TACC2: variants seen among roughly 807,000 people sequenced by gnomAD.
TACC2 encodes the protein transforming acidic coiled-coil-containing protein 2.
In TACC2, 137 loss-of-function variants were observed where a neutral mutation model predicts 227.3. The observed-to-expected ratio is 0.60, with a 90% CI of 0.52 to 0.69. The LOEUF is 0.69. Among genes scored for constraint, TACC2 ranks in the 30% least tolerant of loss-of-function variants. The pLI, the probability that TACC2 is intolerant of heterozygous loss-of-function variation, is 0.00. For missense variants in TACC2, 3,470 were observed against 3,694.4 expected (o/e 0.94, Z 1.57); for synonymous variants, 1,523 against 1,487.5 (o/e 1.02, Z -0.55).
chr10:122,101,662 C>G (rs1592013226), intron 5 of TACC2, among the ~76,000 whole-genome samples: 2 of 146,954 alleles, frequency 1.4e-5, no homozygotes, highest in Admixed American at 1.4e-4. Context: ...TGGGTTCATG[C>G]CATTCTCCTG....
At chr10:122,124,059 G>A (rs1226570146) in intron 5 of TACC2, among the ~76,000 whole-genome samples, 1 of 151,860 alleles carries the variant, frequency 6.6e-6, no homozygotes, top group South Asian at 2.1e-4. Context: ...TGATCTGCCC[G>A]CCACGGCCTC....
intron 5 of TACC2, among the ~76,000 whole-genome samples, chr10:122,090,546 C>CA (rs1188822419): frequency 0.036 from 1,465 of 40,172 alleles, 13 homozygotes; most frequent in Non-Finnish European, 0.045. Flanking sequence ...GACTCTATCT[C>CA]AAAAAAAAAA....
chr10:122,246,379 T>G (rs2096119744), intron 19 of TACC2: 2 of 152,136 alleles, frequency 1.3e-5, no homozygotes, highest in Non-Finnish European at 2.9e-5. Flanking sequence ...GGTAACAGTG[T>G]GCCTAGTCCT....
intron 5 of TACC2, among the ~76,000 whole-genome samples, chr10:122,116,977 AG>A (rs1019297501): frequency 2.0e-5 from 3 of 151,960 alleles, no homozygotes; most frequent in Non-Finnish European, 2.9e-5. Context: ...GGCAAACAGA[AG>A]TGCTCACAAT....
chr10:122,251,603 G>A (rs1014574817), intron 22 of TACC2, among the ~76,000 whole-genome samples: 1 of 152,188 alleles, frequency 6.6e-6, no homozygotes, highest in African/African-American at 2.4e-5. Flanking sequence ...GGGAGGCTAA[G>A]GTGGGAGGAC....
chr10:122,038,639 C>T (rs572107754), intron 2 of TACC2, among the ~76,000 whole-genome samples: 2 of 152,272 alleles, frequency 1.3e-5, no homozygotes, highest in East Asian at 3.9e-4. Flanking sequence ...GAGGCAATCT[C>T]CTGCTGGGAG....
intron 5 of TACC2, among the ~76,000 whole-genome samples, chr10:122,096,152 T>C (rs1458372263): frequency 2.0e-5 from 3 of 152,178 alleles, no homozygotes; most frequent in Admixed American, 2.0e-4. Context: ...GAATGGAGGC[T>C]GAGGTGTGTT....
chr10:122,214,977 G>A (rs369123456), intron 9 of TACC2, among the ~76,000 whole-genome samples: 6 of 152,060 alleles, frequency 3.9e-5, no homozygotes, highest in East Asian at 1.9e-4. Flanking sequence ...GTGAGGTGTC[G>A]CCTTGCCCGT....
At chr10:121,991,141 AG>A (rs936639899) in intron 1 of TACC2, among the ~76,000 whole-genome samples, 2 of 152,338 alleles carry the variant, frequency 1.3e-5, no homozygotes, top group Middle Eastern at 3.4e-3. Flanking sequence ...AGTCTCTTAA[AG>A]GAAAGGAGTT....
intron 2 of TACC2, among the ~76,000 whole-genome samples, chr10:122,038,490 A>G (rs891998361): frequency 5.9e-5 from 9 of 152,112 alleles, no homozygotes; most frequent in African/African-American, 2.2e-4. Context: ...CACTGGACTC[A>G]CTTCAGTGCC....
intron 11 of TACC2, among the ~76,000 whole-genome samples, chr10:122,217,642 G>A (rs1271949120): frequency 6.6e-6 from 1 of 151,996 alleles, no homozygotes; most frequent in Non-Finnish European, 1.5e-5. Flanking sequence ...GTTTCACCAT[G>A]TTAGCTGGGC....
chr10:122,021,637 C>T (rs1334972355), intron 1 of TACC2, among the ~76,000 whole-genome samples: 1 of 152,118 alleles, frequency 6.6e-6, no homozygotes, highest in Non-Finnish European at 1.5e-5. Context: ...TTTGTCACTC[C>T]GTTTGTATAT....
At chr10:122,143,761 G>C in intron 7 of TACC2, 55 bp downstream of exon 7, 2 of 1,587,550 alleles carry the variant, frequency 1.3e-6, no homozygotes, top group East Asian at 2.2e-5. Context: ...GGGGCCTGGT[G>C]GTCTCTGCCC....
rs556783679 is a variant in TACC2, at chr10:122,082,628, A to G, written c.147-19A>G. ...TCCTTGGCATCCATGATAACCAATG[A>G]AACATTAAATATTTTCAGCATTGGC... is the stretch of plus-strand genomic sequence containing the variant. On this transcript the variant is annotated intron_variant, in intron 3 of 22. Transcript: ENST00000369005. 2 of 1,590,390 alleles carry G rather than the reference A, an allele frequency of 1.3e-6. No individual in the cohort carries two copies. The highest frequency in any genetic ancestry group is 1.7e-5 in the Admixed American group (1 of 57,964).
At position 122,210,246 on chromosome 10, in the gene TACC2, G is replaced by A; in HGVS notation, c.5972-151G>A. 1.5e-6 allele frequency: 1 copy of A among 669,676 alleles called. No individual in the cohort carries two copies. The highest frequency in any genetic ancestry group is 1.8e-5 in the South Asian group (1 of 54,388). 41.5% of individuals were successfully genotyped at this position (669,676 alleles called of 1,614,324 possible). ...GCTAATTACGGGTAGGTCAGGTTCT[G>A]TACCCAAGTAGTACACACAGTGATG... On this transcript the variant is annotated intron_variant, in intron 8 of 22. Coordinates refer to ENST00000369005, the MANE Select transcript of TACC2 (RefSeq NM_206862.4). The surrounding 1 kb of genome is among the most constrained non-coding windows in gnomAD (Gnocchi z 4.6).
chr10:122,010,089 C>T (rs1016902609), intron 1 of TACC2, among the ~76,000 whole-genome samples: 6 of 152,212 alleles, frequency 3.9e-5, no homozygotes, highest in Non-Finnish European at 7.3e-5. Flanking sequence ...TAGTTCTGCT[C>T]TGACATGTGT....
At chr10:122,174,333 A>G (rs912151314) in intron 7 of TACC2, among the ~76,000 whole-genome samples, 1 of 152,158 alleles carries the variant, frequency 6.6e-6, no homozygotes, top group Non-Finnish European at 1.5e-5. Flanking sequence ...CCTCCCAGAA[A>G]AATAGCTAGT....
chr10:122,179,174 G>A (rs150848240), intron 7 of TACC2, among the ~76,000 whole-genome samples: 311 of 152,286 alleles, frequency 2.0e-3, no homozygotes, highest in Admixed American at 3.6e-3. Flanking sequence ...TGAGTAGTTC[G>A]TCAGCAAGAA....
At chr10:122,182,504 C>T (rs2094004847) in intron 7 of TACC2, among the ~76,000 whole-genome samples, 1 of 152,162 alleles carries the variant, frequency 6.6e-6, no homozygotes, top group African/African-American at 2.4e-5. Context: ...AAAACAATGA[C>T]TTCTCAGCAG....
Sources: gnomAD v4.1 joint callset for allele counts (sites outside exome capture counted in the v4.1 genomes callset) on GRCh38, gnomAD v4.1.1 for gene constraint, Gnocchi (gnomAD v3.1) non-coding constraint, MANE v1.5 for transcripts, NCBI Gene and HGNC (gene_info 2026-07-23, HGNC 2026-07-21) for gene names.